Variants in NEDD4L observed in about 807,000 individuals in gnomAD.
NEDD4L encodes E3 ubiquitin-protein ligase NEDD4-like.
A neutral mutation model predicts 148.9 loss-of-function variants in NEDD4L; 54 were observed. The ratio of observed to expected loss-of-function variants is 0.36; its 90% confidence interval spans 0.29 to 0.45. NEDD4L has a LOEUF of 0.45. Ranked by LOEUF, NEDD4L falls within the 20% of genes least tolerant of loss-of-function variation. The pLI is 1.00. For missense variants in NEDD4L, 856 were observed against 1,233.8 expected (o/e 0.69, Z 4.59); for synonymous variants, 433 against 440.7 (o/e 0.98, Z 0.22).
At chr18:58,119,037 A>G (rs76664176) in intron 1 of NEDD4L, among the ~76,000 whole-genome samples, 3,627 of 152,288 alleles carry the variant, frequency 0.024, 153 homozygotes, top group African/African-American at 0.083. Context: ...GCTTGCTAAT[A>G]CACTGTCCTC....
At chr18:58,104,375 G>A (rs1399815819) in intron 1 of NEDD4L, among the ~76,000 whole-genome samples, 1 of 152,188 alleles carries the variant, frequency 6.6e-6, no homozygotes, top group African/African-American at 2.4e-5. Flanking sequence ...AATGGATGTG[G>A]AGATTCCTTC....
At chr18:58,182,371 A>T (rs556442192) in intron 2 of NEDD4L, among the ~76,000 whole-genome samples, 2 of 152,166 alleles carry the variant, frequency 1.3e-5, no homozygotes, top group African/African-American at 4.8e-5. Context: ...TGAGGGAGGC[A>T]TTTAGGGAGA....
chr18:58,256,811 T>C lies in NEDD4L; in HGVS notation c.297+4757T>C. 2.4e-6 allele frequency: 3 copies of C among 1,229,134 alleles called. No homozygotes were observed. The highest frequency in any genetic ancestry group is 3.1e-4 in the Middle Eastern group (1 of 3,202). 76.1% of individuals were successfully genotyped at this position (1,229,134 alleles called of 1,614,324 possible). On this transcript the variant is annotated intron_variant, in intron 5 of 30. Coordinates refer to ENST00000400345, the MANE Select transcript of NEDD4L (RefSeq NM_001144967.3). The surrounding 1 kb of genome is among the most constrained non-coding windows in gnomAD (Gnocchi z 5.2). ...GCGTGTTTACATGTGTTTACTGATT[T>C]CAACTTCGATGCTTACTCTGCGGCG...
At chr18:58,145,959 A>T (rs533327006) in intron 1 of NEDD4L, among the ~76,000 whole-genome samples, 1 of 152,292 alleles carries the variant, frequency 6.6e-6, no homozygotes, top group South Asian at 2.1e-4. Flanking sequence ...ATATGGAAAC[A>T]GTTCTGCTTC....
At chr18:58,365,572 C>T (rs926174444) in intron 20 of NEDD4L, among the ~76,000 whole-genome samples, 1 of 152,170 alleles carries the variant, frequency 6.6e-6, no homozygotes, top group East Asian at 1.9e-4. Context: ...TACCACCTGG[C>T]GGCCCTGCCA....
chr18:58,253,420 G>A (rs1249392430), intron 5 of NEDD4L, among the ~76,000 whole-genome samples: 1 of 152,216 alleles, frequency 6.6e-6, no homozygotes, highest in Non-Finnish European at 1.5e-5. Flanking sequence ...TAAAGTATGG[G>A]ATGTTGGGTG....
At chr18:58,312,443 G>T (rs80242949) in intron 5 of NEDD4L, among the ~76,000 whole-genome samples, 3,199 of 152,182 alleles carry the variant, frequency 0.021, 112 homozygotes, top group African/African-American at 0.073. Context: ...TTATAATGTT[G>T]GTATGAGGTG....
At chr18:58,257,512 T>C (rs1225618057) in intron 5 of NEDD4L, among the ~76,000 whole-genome samples, 3 of 152,150 alleles carry the variant, frequency 2.0e-5, no homozygotes, top group African/African-American at 4.8e-5. Context: ...AATGGTCAGA[T>C]GGCGTGGCGT....
chr18:58,392,930 T>C (rs2050021604), intron 30 of NEDD4L, among the ~76,000 whole-genome samples: 1 of 152,194 alleles, frequency 6.6e-6, no homozygotes, highest in African/African-American at 2.4e-5. Context: ...GGCAGCCTTA[T>C]GAGATATGTT....
chr18:58,379,032 T>A (rs2047968870), intron 24 of NEDD4L, among the ~76,000 whole-genome samples: 1 of 152,228 alleles, frequency 6.6e-6, no homozygotes, highest in African/African-American at 2.4e-5. Context: ...CTGCTGTGGC[T>A]GGGCATTGTG....
chr18:58,344,609 A>G (rs182203542), intron 16 of NEDD4L, among the ~76,000 whole-genome samples: 33 of 152,362 alleles, frequency 2.2e-4, no homozygotes, highest in Admixed American at 8.5e-4. Flanking sequence ...TAAGGCATAT[A>G]ATAACATGTA....
intron 5 of NEDD4L, among the ~76,000 whole-genome samples, chr18:58,291,889 C>T (rs778114758): frequency 6.6e-6 from 1 of 152,180 alleles, no homozygotes; most frequent in Non-Finnish European, 1.5e-5. Context: ...CCAGCCACCC[C>T]CTTCCCAAAC....
rs553555551 is a variant in NEDD4L at position 58,131,201 on chromosome 18, ATCTAGCGGAACTGTGGTGGTGT to A, written c.49-34585_49-34564del. 3.4e-5 allele frequency among the ~76,000 whole-genome samples: 5 copies of A among 148,756 alleles called. No individual in the cohort carries two copies. The South Asian group carries it at 1.1e-3, about 32-fold the overall frequency. ...CTTTGTTGGGATTTGGTTGGTTGTG[ATCTAGCGGAACTGTGGTGGTGT>A]TGGGCTCTGTTGGGGTTTGGTTGTG... On this transcript the variant is annotated intron_variant, in intron 1 of 30. Transcript: ENST00000400345.
intron 2 of NEDD4L, among the ~76,000 whole-genome samples, chr18:58,228,457 G>T (rs1353939725): frequency 1.3e-5 from 2 of 152,354 alleles, no homozygotes; most frequent in East Asian, 3.9e-4. Flanking sequence ...AAGGCACATG[G>T]AATAGGGCCA....
chr18:58,079,900 CTT>C (rs1197179556), intron 1 of NEDD4L, among the ~76,000 whole-genome samples: 1 of 152,108 alleles, frequency 6.6e-6, no homozygotes, highest in Admixed American at 6.5e-5. Context: ...GCAGAATTCT[CTT>C]TGTTTTAATA....
At chr18:58,165,947 G>A in intron 2 of NEDD4L, 86 bp downstream of exon 2, 1 of 1,118,932 alleles carries the variant, frequency 8.9e-7, no homozygotes, top group Non-Finnish European at 1.3e-6. Context: ...GAATCACCTG[G>A]AGGACTTCTT....
At chr18:58,068,012 T>C (rs2082687759) in intron 1 of NEDD4L, among the ~76,000 whole-genome samples, 1 of 152,080 alleles carries the variant, frequency 6.6e-6, no homozygotes. Context: ...CAGGCTGGAG[T>C]GCAGCTGTGT....
At chr18:58,243,681 C>T (rs1454783533) in intron 2 of NEDD4L, among the ~76,000 whole-genome samples, 1 of 152,148 alleles carries the variant, frequency 6.6e-6, no homozygotes, top group African/African-American at 2.4e-5. Context: ...TTGACCTGGG[C>T]TAGGTGCCGG....
intron 2 of NEDD4L, among the ~76,000 whole-genome samples, chr18:58,209,850 T>C (rs1437928802): frequency 6.6e-6 from 1 of 152,066 alleles, no homozygotes. Flanking sequence ...CAGAAAGAAA[T>C]CATCCTAACT....
Sources: allele counts gnomAD v4.1 joint callset (sites outside exome capture counted in the v4.1 genomes callset), GRCh38; gene constraint gnomAD v4.1.1; non-coding constraint Gnocchi (gnomAD v3.1); transcripts MANE v1.5; gene names NCBI Gene and HGNC (gene_info 2026-07-23, HGNC 2026-07-21).